Variants in ZCWPW1 observed in about 807,000 individuals in gnomAD.
The protein encoded by ZCWPW1 is zinc finger CW-type and PWWP domain containing 1.
Under a neutral mutation model 81.3 loss-of-function variants are expected in ZCWPW1, and 56 were observed. The ratio of observed to expected loss-of-function variants is 0.69; its 90% CI spans 0.56 to 0.86. ZCWPW1 has a LOEUF of 0.86. Among genes scored for constraint, ZCWPW1 ranks in the 40% least tolerant of loss-of-function variants. ZCWPW1 has a pLI of 0.00. For missense variants in ZCWPW1, 650 were observed against 769.8 expected (o/e 0.84, Z 1.84); for synonymous variants, 250 against 273.7 (o/e 0.91, Z 0.86).
chr7:100,412,491 C>T (rs1162227137), intron 8 of ZCWPW1, among the ~76,000 whole-genome samples: 1 of 152,154 alleles, frequency 6.6e-6, no homozygotes, highest in Non-Finnish European at 1.5e-5. Flanking sequence ...AATTCATTAC[C>T]AACTTCTAAC....
chr7:100,413,248 C>T (rs1794580314), intron 8 of ZCWPW1, among the ~76,000 whole-genome samples: 1 of 152,224 alleles, frequency 6.6e-6, no homozygotes, highest in Non-Finnish European at 1.5e-5. Context: ...TCACTCTGTA[C>T]ATGGTCTTTG....
At position 100,428,618 on chromosome 7, in the gene ZCWPW1, T is replaced by A. The variant is rs746610389; in HGVS notation, c.-187A>T. 6.6e-6 allele frequency: 1 copy of A among 152,420 alleles called. No individual in the cohort carries two copies. Among genetic ancestry groups the A allele is most frequent in the East Asian group, 1.9e-4 (1 of 5,198 alleles). The allele number at this position is 152,420 out of a possible 1,614,324, so 9.4% of individuals were successfully genotyped here. On this transcript the variant is annotated 5_prime_UTR_variant, in exon 1 of 18. Coordinates refer to ENST00000684423, the MANE Select transcript of ZCWPW1 (RefSeq NM_001386010.1). The stretch of plus-strand genomic sequence containing the variant: ...CCCCACTGTCACCCCTGCCGCCCTG[T>A]CCTCGGCCCAGCACTCCGCTGGCAG...
At chr7:100,421,423 G>T (rs1314751066) in intron 2 of ZCWPW1, among the ~76,000 whole-genome samples, 1 of 152,154 alleles carries the variant, frequency 6.6e-6, no homozygotes, top group Non-Finnish European at 1.5e-5. Flanking sequence ...AGAGGTCTCT[G>T]TGCATAGAGA....
chr7:100,423,744 C>T (rs571222451), intron 2 of ZCWPW1, among the ~76,000 whole-genome samples: 56 of 152,180 alleles, frequency 3.7e-4, no homozygotes, highest in Admixed American at 7.9e-4. Flanking sequence ...AATTAATCTC[C>T]TTTATTATAA....
At chr7:100,407,096 C>A in intron 11 of ZCWPW1, 132 bp downstream of exon 11, 1 of 776,354 alleles carries the variant, frequency 1.3e-6, no homozygotes, top group Non-Finnish European at 2.1e-6. Context: ...CTGTGTTTGT[C>A]ATCCTAGTTA....
At chr7:100,404,949 G>A (rs1792674898) in intron 13 of ZCWPW1, 64 bp downstream of exon 13, 2 of 1,533,396 alleles carry the variant, frequency 1.3e-6, no homozygotes, top group Admixed American at 1.7e-5. Context: ...TGTCTGGACT[G>A]AGAAAGAATC....
intron 7 of ZCWPW1, 82 bp from the exon 8 acceptor site, chr7:100,416,179 G>A: frequency 3.8e-6 from 6 of 1,598,560 alleles, no homozygotes; most frequent in African/African-American, 1.3e-5. Flanking sequence ...AAAGAAGGAA[G>A]AAGAATCACA....
chr7:100,418,355 T>C (rs1281192445), intron 5 of ZCWPW1, among the ~76,000 whole-genome samples: 1 of 152,186 alleles, frequency 6.6e-6, no homozygotes, highest in African/African-American at 2.4e-5. Context: ...TTTAACTGCA[T>C]TTTAAAAATT....
chr7:100,418,731 A>C (rs111757992), intron 5 of ZCWPW1: 31,594 of 152,154 alleles, frequency 0.21, 3,505 homozygotes, highest in African/African-American at 0.27. Context: ...GCAGATGCTG[A>C]AGTGAGCTGA....
rs149223563 is a variant in ZCWPW1 at position 100,401,299 on chromosome 7, G to A, written c.1665C>T (p.Ala555=). ...TTCCCTCTGAAAAGCTGGCTGCCAA[G>A]GCCTTGCTCTGGGGAGCTTTAAATT... ...KKKFKAPQSK[A]LAASFSEGKE... is the part of the protein sequence containing the mutation. The change falls in exon 18 of 18, where the codon GCC becomes GCT. Residue 555 remains alanine (A), a synonymous_variant. Transcript: ENST00000684423. 7.5e-6 allele frequency: 12 copies of A among 1,590,022 alleles called. No homozygotes were observed. The African/African-American group carries it at 1.4e-4, about 18-fold the overall frequency.
intron 12 of ZCWPW1, among the ~76,000 whole-genome samples, chr7:100,405,758 C>T (rs927124367): frequency 6.6e-6 from 1 of 152,136 alleles, no homozygotes; most frequent in African/African-American, 2.4e-5. Context: ...CAGCCTCCTG[C>T]TGGGACTACA....
chr7:100,414,217 T>C (rs532890328), intron 8 of ZCWPW1, among the ~76,000 whole-genome samples: 14 of 152,332 alleles, frequency 9.2e-5, no homozygotes, highest in African/African-American at 2.9e-4. Flanking sequence ...TGCATAGTCT[T>C]GGAGTTTTCT....
At chr7:100,415,850 G>T in intron 8 of ZCWPW1, 125 bp downstream of exon 8, 1 of 1,272,952 alleles carries the variant, frequency 7.9e-7, no homozygotes, top group Non-Finnish European at 1.1e-6. Context: ...AGCATATTCT[G>T]CAACAAGCAG....
rs1264979003 is a variant in ZCWPW1 at position 100,408,677 on chromosome 7, G to T, written c.872-18C>A. The stretch of plus-strand genomic sequence containing the variant: ...CTGCACATCTGCTGAAAGAGAGAAG[G>T]AATGAAGGGACAGGAAGAGACTCTT... On this transcript the variant is annotated intron_variant, in intron 9 of 17. Transcript: ENST00000684423. The T allele has an allele frequency of 6.2e-7, 1 of 1,610,360 alleles. No homozygotes were observed. Among genetic ancestry groups the T allele is most frequent in the South Asian group, 1.1e-5 (1 of 90,664 alleles).
In ZCWPW1 at chr7:100,402,529, T is replaced by G; in HGVS notation, c.1461A>C (p.Lys487Asn). ...IRKRVKIQTQ[K>N]TKPRGLGGDA... ...TGGCCTGCTTACCTCTTGGCTTGGT[T>G]TTTTGGGTCTGTATTTTGACTCGCT... Residue 487 changes from lysine (K) to asparagine (N), a missense_variant, in exon 16 of 18, where the codon AAA becomes AAC. Lys to Asn is a moderately conservative substitution (Grantham distance 94). Coordinates refer to ENST00000684423, the MANE Select transcript of ZCWPW1 (RefSeq NM_001386010.1). The G allele has an allele frequency of 1.2e-6, 2 of 1,614,074 alleles. No homozygotes were observed. The highest frequency in any genetic ancestry group is 1.7e-6 in the Non-Finnish European group (2 of 1,179,988).
chr7:100,406,619 T>C lies in ZCWPW1; in HGVS notation c.1173+75A>G, dbSNP rs1793062613. Reference sequence around the variant, plus strand: ...AACTTTCTCCCGACATGGCTTACCCTGGGAGAAAATGAGGTTTAAGAAAAG... The same window carrying C: ...AACTTTCTCCCGACATGGCTTACCCCGGGAGAAAATGAGGTTTAAGAAAAG... On this transcript the variant is annotated intron_variant, in intron 12 of 17. Transcript: ENST00000684423. The C allele has an allele frequency of 2.2e-6, 3 of 1,378,274 alleles. No individual in the cohort carries two copies. In the East Asian group the frequency reaches 6.9e-5, roughly 32 times the overall value. 85.4% of individuals were successfully genotyped at this position (1,378,274 alleles called of 1,614,324 possible).
intron 5 of ZCWPW1, among the ~76,000 whole-genome samples, chr7:100,418,341 G>A (rs886182570): frequency 2.6e-5 from 4 of 152,132 alleles, no homozygotes; most frequent in African/African-American, 4.8e-5. Flanking sequence ...ACATGGAAAC[G>A]AATTTTAACT....
At chr7:100,411,148 T>A (rs552653712) in intron 8 of ZCWPW1, among the ~76,000 whole-genome samples, 1 of 152,324 alleles carries the variant, frequency 6.6e-6, no homozygotes, top group East Asian at 1.9e-4. Context: ...AAATTTTACC[T>A]TAAATACCTG....
In ZCWPW1 at chr7:100,401,112, G is replaced by C; in HGVS notation, c.1852C>G (p.Leu618Val). 6.2e-7 allele frequency: 1 copy of C among 1,614,234 alleles called. No individual in the cohort carries two copies. The stretch of plus-strand genomic sequence containing the variant: ...AGCTCTCTCCCAACATCTTCCATGA[G>C]TTGCTCCAGGTCCAGGTCACTGGAG... ...EASSDLDLEQ[L>V]MEDVGRELGQ... The change falls in exon 18 of 18, where the codon CTC becomes GTC. Residue 618 changes from leucine to valine, a missense_variant. Leu to Val is a conservative substitution (Grantham distance 32, BLOSUM62 1). Transcript: ENST00000684423.
Sources: allele counts gnomAD v4.1 joint callset (sites outside exome capture counted in the v4.1 genomes callset), GRCh38; gene constraint gnomAD v4.1.1; transcripts MANE v1.5; gene names NCBI Gene and HGNC (gene_info 2026-07-23, HGNC 2026-07-21).